The following DCC variants were observed in gnomAD, a reference collection of about 807,000 sequenced individuals.
The protein encoded by DCC is DCC netrin 1 receptor.
A neutral mutation model predicts 172.5 loss-of-function variants in DCC; 58 were observed. That is an observed-to-expected ratio of 0.34 (90% CI 0.27 to 0.42). The LOEUF (loss-of-function observed/expected upper bound fraction) is 0.42. DCC is among the 10% of genes least tolerant of loss of function. The pLI is 1.00. For missense variants in DCC, 1,740 were observed against 1,791.0 expected, an observed-to-expected ratio of 0.97 and a Z score of 0.51; for synonymous variants, 709 against 644.5, an observed-to-expected ratio of 1.10 and a Z score of -1.52.
chr18:52,452,836 G>A (rs1988346794), intron 1 of DCC, among the ~76,000 whole-genome samples: 1 of 152,204 alleles, frequency 6.6e-6, no homozygotes, highest in Non-Finnish European at 1.5e-5. Context: ...TACCTCAAGA[G>A]TAAAGACTAG....
chr18:52,691,560 C>A (rs552078263), intron 1 of DCC, among the ~76,000 whole-genome samples: 1 of 152,250 alleles, frequency 6.6e-6, no homozygotes, highest in East Asian at 1.9e-4. Context: ...TCACTCCAAT[C>A]TCTGGCTTAA....
chr18:52,549,056 A>G (rs996110850), intron 1 of DCC, among the ~76,000 whole-genome samples: 5 of 152,100 alleles, frequency 3.3e-5, no homozygotes, highest in Non-Finnish European at 7.4e-5. Flanking sequence ...AGATTAAGAT[A>G]TTAAACACAA....
At chr18:53,297,750 T>G (rs2057085035) in intron 12 of DCC, among the ~76,000 whole-genome samples, 1 of 152,276 alleles carries the variant, frequency 6.6e-6, no homozygotes, top group South Asian at 2.1e-4. Context: ...AAGAAAAGAA[T>G]GCCTGAATGC....
intron 25 of DCC, among the ~76,000 whole-genome samples, chr18:53,477,793 C>T (rs1012348715): frequency 6.6e-6 from 1 of 151,966 alleles, no homozygotes; most frequent in African/African-American, 2.4e-5. Flanking sequence ...ACTCCTTATC[C>T]CCAAGCATTC....
chr18:53,141,473 C>T (rs2043829411), intron 7 of DCC, among the ~76,000 whole-genome samples: 1 of 152,128 alleles, frequency 6.6e-6, no homozygotes, highest in African/African-American at 2.4e-5. Flanking sequence ...AATGGGTTTC[C>T]CAGATTAGCC....
At chr18:52,454,594 A>G (rs1037210816) in intron 1 of DCC, among the ~76,000 whole-genome samples, 2 of 152,154 alleles carry the variant, frequency 1.3e-5, no homozygotes, top group African/African-American at 4.8e-5. Context: ...CGGTATTAAC[A>G]TAAAATAGGA....
chr18:52,375,072 T>C (rs576705281), intron 1 of DCC, among the ~76,000 whole-genome samples: 3 of 152,360 alleles, frequency 2.0e-5, no homozygotes, highest in Admixed American at 2.0e-4. Context: ...TTTTTTGGTC[T>C]TCTTGATCCC....
chr18:52,923,787 G>C lies in DCC; in HGVS notation c.778G>C (p.Glu260Gln). 1 of 1,613,036 alleles carries C rather than the reference G, an allele frequency of 6.2e-7. No homozygotes were observed. Among genetic ancestry groups the C allele is most frequent in the Non-Finnish European group, 8.5e-7 (1 of 1,179,202 alleles). The change falls in exon 4 of 29, where the codon GAA becomes CAA. Residue 260 changes from glutamate (E) to glutamine (Q), a missense_variant. Coordinates refer to ENST00000442544, the MANE Select transcript of DCC (RefSeq NM_005215.4). Reference protein sequence around the residue: ...VAIEGKDAVLECCVSGYPPPS... With the variant: ...VAIEGKDAVLQCCVSGYPPPS... The stretch of plus-strand genomic sequence containing the variant: ...CATTGAAGGAAAAGATGCTGTCCTG[G>C]AATGTTGTGTTTCTGGCTATCCTCC...
chr18:53,189,977 A>G (rs1171350456), intron 9 of DCC, among the ~76,000 whole-genome samples: 1 of 152,160 alleles, frequency 6.6e-6, no homozygotes, highest in Non-Finnish European at 1.5e-5. Context: ...ACCAGGCTGG[A>G]GTGCAATGGC....
chr18:53,171,479 T>A (rs951503558), intron 8 of DCC, among the ~76,000 whole-genome samples: 4 of 152,204 alleles, frequency 2.6e-5, no homozygotes, highest in African/African-American at 9.6e-5. Flanking sequence ...TATGTAAGAC[T>A]GAGAAAGTAT....
At chr18:52,882,282 G>A (rs994133639) in intron 2 of DCC, among the ~76,000 whole-genome samples, 3 of 151,808 alleles carry the variant, frequency 2.0e-5, no homozygotes, top group African/African-American at 7.3e-5. Flanking sequence ...TCTTTATAGG[G>A]ATCCTTTAGG....
At chr18:52,864,792 C>T (rs1319637649) in intron 2 of DCC, among the ~76,000 whole-genome samples, 1 of 150,898 alleles carries the variant, frequency 6.6e-6, no homozygotes, top group East Asian at 1.9e-4. Context: ...GTTTTCTCTT[C>T]TTGTGTTAGT....
intron 3 of DCC, among the ~76,000 whole-genome samples, chr18:52,917,313 ACT>A (rs1430803723): frequency 6.6e-6 from 1 of 151,866 alleles, no homozygotes; most frequent in Non-Finnish European, 1.5e-5. Context: ...AGCGAGACAG[ACT>A]CTGTTTCAAA....
At chr18:53,217,097 G>C (rs2055863207) in intron 12 of DCC, among the ~76,000 whole-genome samples, 1 of 151,962 alleles carries the variant, frequency 6.6e-6, no homozygotes, top group African/African-American at 2.4e-5. Context: ...TTTTGTGTTT[G>C]TGTGTTCATA....
chr18:53,422,371 G>A (rs11872565), intron 21 of DCC, among the ~76,000 whole-genome samples: 65,366 of 151,624 alleles, frequency 0.43, 15,842 homozygotes, highest in Non-Finnish European at 0.55. Context: ...TACCTTCTTC[G>A]CTCAGAGATT....
chr18:52,808,758 G>C (rs2038137054), intron 2 of DCC, among the ~76,000 whole-genome samples: 1 of 152,126 alleles, frequency 6.6e-6, no homozygotes, highest in African/African-American at 2.4e-5. Flanking sequence ...GGGTAAATAA[G>C]GGTGTCCTTA....
intron 2 of DCC, among the ~76,000 whole-genome samples, chr18:52,789,905 T>C (rs2037727865): frequency 2.0e-5 from 3 of 152,154 alleles, no homozygotes; most frequent in Admixed American, 2.0e-4. Context: ...ACCAAGAAAC[T>C]AGCCACAAGA....
At chr18:52,917,008 C>G (rs983230741) in intron 3 of DCC, among the ~76,000 whole-genome samples, 1 of 149,532 alleles carries the variant, frequency 6.7e-6, no homozygotes, top group Non-Finnish European at 1.5e-5. Flanking sequence ...ATAGACTGGG[C>G]ACAGTGGCTC....
intron 5 of DCC, among the ~76,000 whole-genome samples, chr18:53,008,479 A>T (rs1215675077): frequency 1.3e-5 from 2 of 152,058 alleles, no homozygotes; most frequent in African/African-American, 4.8e-5. Context: ...GAAAATAATT[A>T]GAAACCTTTT....
Sources: allele counts gnomAD v4.1 joint callset (sites outside exome capture counted in the v4.1 genomes callset), GRCh38; gene constraint gnomAD v4.1.1; transcripts MANE v1.5; gene names NCBI Gene and HGNC (gene_info 2026-07-23, HGNC 2026-07-21).